Variants in CNTNAP2 observed in about 807,000 individuals in gnomAD.
CNTNAP2 encodes the protein contactin associated protein 2.
In CNTNAP2, 98 loss-of-function variants were observed where a neutral mutation model predicts 155.2. That is an observed-to-expected ratio of 0.63 (90% CI 0.54 to 0.75). The LOEUF (loss-of-function observed/expected upper bound fraction) is 0.75, where lower values mean the gene tolerates loss of function less well. Among genes scored for constraint, CNTNAP2 ranks in the 30% least tolerant of loss-of-function variants. The pLI, the probability that CNTNAP2 is intolerant of heterozygous loss-of-function variation, is 0.00. For synonymous variants in CNTNAP2, 651 were observed against 631.2 expected, an observed-to-expected ratio of 1.03 and a Z score of -0.47; for missense variants, 1,727 against 1,688.1, an observed-to-expected ratio of 1.02 and a Z score of -0.40.
chr7:148,316,968 C>T (rs11763879), intron 21 of CNTNAP2, among the ~76,000 whole-genome samples: 1 of 152,084 alleles, frequency 6.6e-6, no homozygotes, highest in Non-Finnish European at 1.5e-5. Context: ...TCTGAAGCCC[C>T]ACGGGGTCAT....
At chr7:146,926,203 G>T (rs1796605747) in intron 3 of CNTNAP2, among the ~76,000 whole-genome samples, 1 of 151,882 alleles carries the variant, frequency 6.6e-6, no homozygotes, top group South Asian at 2.1e-4. Context: ...TTATATTTCT[G>T]ATTAGTACGT....
At chr7:146,902,933 T>C (rs1796033257) in intron 3 of CNTNAP2, among the ~76,000 whole-genome samples, 1 of 152,164 alleles carries the variant, frequency 6.6e-6, no homozygotes, top group African/African-American at 2.4e-5. Context: ...GTCTCCTCTC[T>C]AACCACACTG....
At chr7:146,915,771 C>G (rs933255659) in intron 3 of CNTNAP2, 1 of 151,812 alleles carries the variant, frequency 6.6e-6, no homozygotes, top group Non-Finnish European at 1.5e-5. Context: ...TCAGCAAAAA[C>G]AGTTTGACTT....
At chr7:147,191,137 A>C (rs757871430) in intron 8 of CNTNAP2, among the ~76,000 whole-genome samples, 4 of 152,090 alleles carry the variant, frequency 2.6e-5, no homozygotes, top group Non-Finnish European at 4.4e-5. Context: ...GCCCAGAGAG[A>C]GTTGAAGGGT....
intron 3 of CNTNAP2, among the ~76,000 whole-genome samples, chr7:146,928,222 G>A (rs746058175): frequency 1.3e-5 from 2 of 151,984 alleles, no homozygotes; most frequent in Non-Finnish European, 2.9e-5. Context: ...ATATTCAACT[G>A]TATTGTTTTA....
At chr7:147,390,493 A>T (rs1001818762) in intron 9 of CNTNAP2, among the ~76,000 whole-genome samples, 4 of 152,258 alleles carry the variant, frequency 2.6e-5, no homozygotes, top group South Asian at 4.1e-4. Context: ...AGCCACAATC[A>T]GCTGATGACT....
intron 1 of CNTNAP2, among the ~76,000 whole-genome samples, chr7:146,198,061 C>T (rs929191850): frequency 5.3e-5 from 8 of 151,966 alleles, no homozygotes; most frequent in African/African-American, 1.7e-4. Context: ...TCATGAGAAC[C>T]GCATGGGGGA....
At chr7:147,853,327 T>C (rs1798982913) in intron 13 of CNTNAP2, among the ~76,000 whole-genome samples, 1 of 152,322 alleles carries the variant, frequency 6.6e-6, no homozygotes, top group South Asian at 2.1e-4. Flanking sequence ...TGGCTAGAAC[T>C]GTTACGAAGG....
intron 11 of CNTNAP2, among the ~76,000 whole-genome samples, chr7:147,558,183 T>G (rs1321537270): frequency 6.6e-6 from 1 of 152,182 alleles, no homozygotes; most frequent in African/African-American, 2.4e-5. Context: ...CACCTCTTAC[T>G]ATTTTTATGT....
intron 18 of CNTNAP2, among the ~76,000 whole-genome samples, chr7:148,203,359 A>G (rs919975981): frequency 1.3e-5 from 2 of 152,228 alleles, no homozygotes; most frequent in Admixed American, 6.5e-5. Context: ...CAAGGAAACT[A>G]TGTTCTCCAG....
chr7:146,860,734 A>T (rs1442812608), intron 3 of CNTNAP2, among the ~76,000 whole-genome samples: 1 of 152,162 alleles, frequency 6.6e-6, no homozygotes, highest in African/African-American at 2.4e-5. Flanking sequence ...GATTGAAAAA[A>T]AATTTCTTGG....
chr7:146,181,386 G>A (rs918576228), intron 1 of CNTNAP2, among the ~76,000 whole-genome samples: 24 of 152,054 alleles, frequency 1.6e-4, no homozygotes, highest in Non-Finnish European at 4.4e-5. Context: ...AGTTCTAGAT[G>A]TGTTTAGGGT....
intron 8 of CNTNAP2, among the ~76,000 whole-genome samples, chr7:147,253,383 G>GTTTTT (rs556721401): frequency 1.1e-4 from 13 of 118,570 alleles, no homozygotes; most frequent in African/African-American, 3.0e-4. Context: ...CAGGTTCTCT[G>GTTTTT]TTTTTTTTTT....
intron 14 of CNTNAP2, among the ~76,000 whole-genome samples, chr7:147,955,557 C>A (rs969774480): frequency 6.6e-6 from 1 of 152,120 alleles, no homozygotes; most frequent in East Asian, 1.9e-4. Context: ...TATTCAGAAC[C>A]CCCAGTTGTC....
chr7:148,328,408 G>A (rs973604423), intron 21 of CNTNAP2, among the ~76,000 whole-genome samples: 2 of 152,132 alleles, frequency 1.3e-5, no homozygotes, highest in African/African-American at 4.8e-5. Context: ...TGATCATTTG[G>A]GGCCAGCTTC....
chr7:146,787,701 T>G (rs566936199), intron 2 of CNTNAP2, among the ~76,000 whole-genome samples: 20 of 152,286 alleles, frequency 1.3e-4, no homozygotes, highest in Middle Eastern at 3.4e-3. Context: ...GGTGGCCTGC[T>G]TTTCTTCCCT....
chr7:148,368,436 T>C (rs1407662722), intron 21 of CNTNAP2, among the ~76,000 whole-genome samples: 2 of 152,166 alleles, frequency 1.3e-5, no homozygotes, highest in African/African-American at 4.8e-5. Context: ...AGAGTGATGG[T>C]TAAGAGCATG....
intron 9 of CNTNAP2, among the ~76,000 whole-genome samples, chr7:147,381,793 A>AAAAAT (rs1480841009): frequency 6.6e-6 from 1 of 152,090 alleles, no homozygotes; most frequent in Non-Finnish European, 1.5e-5. Context: ...ACTATCTTTT[A>AAAAAT]ATGTTAAACC....
chr7:147,551,725 G>C (rs1799856766), intron 11 of CNTNAP2, among the ~76,000 whole-genome samples: 1 of 152,112 alleles, frequency 6.6e-6, no homozygotes, highest in Non-Finnish European at 1.5e-5. Context: ...CTAATATCTT[G>C]TTGCTGTTTC....
Sources: gnomAD v4.1 joint callset for allele counts (sites outside exome capture counted in the v4.1 genomes callset) on GRCh38, gnomAD v4.1.1 for gene constraint, MANE v1.5 for transcripts, NCBI Gene and HGNC (gene_info 2026-07-23, HGNC 2026-07-21) for gene names.